Variants in CAPN3 observed in about 807,000 individuals in gnomAD.
The protein encoded by CAPN3 is calpain-3.
In CAPN3, 88 loss-of-function variants were observed where a neutral mutation model predicts 114.0. That is an observed-to-expected ratio of 0.77 (90% CI 0.65 to 0.92). The LOEUF is 0.92. CAPN3 is among the 40% of genes least tolerant of loss of function. The pLI is 0.00. For missense variants in CAPN3, 1,028 were observed against 1,069.0 expected (o/e 0.96, Z 0.53); for synonymous variants, 386 against 382.9 (o/e 1.01, Z -0.09).
intron 1 of CAPN3, among the ~76,000 whole-genome samples, chr15:42,378,146 C>T (rs994183813): frequency 1.3e-5 from 2 of 152,180 alleles, no homozygotes; most frequent in Non-Finnish European, 2.9e-5. Context: ...TCAGCAGCCA[C>T]GGCCCTGACT....
chr15:42,404,943 G>A, intron 14 of CAPN3: 1 of 998,190 alleles, frequency 1.0e-6, no homozygotes, highest in Non-Finnish European at 1.2e-6. Flanking sequence ...GCTTATGGGA[G>A]CTGGCACGTC....
In CAPN3 at chr15:42,399,668, G is replaced by A; in HGVS notation, c.1354+16G>A. ...AACTTCCCAGGTGGGAGATGCTCTT[G>A]ATGGGGGGAGGGTCTAAGCCGAAAA... On this transcript the variant is annotated intron_variant, in intron 10 of 23. Coordinates refer to ENST00000397163, the MANE Select transcript of CAPN3 (RefSeq NM_000070.3). The A allele has an allele frequency of 6.3e-7, 1 of 1,585,530 alleles. No homozygotes were observed.
intron 1 of CAPN3, among the ~76,000 whole-genome samples, chr15:42,366,828 C>CTTTTTTTTTTTTTTTTTTTTTTT (rs545010219): frequency 7.8e-6 from 1 of 127,856 alleles, no homozygotes; most frequent in African/African-American, 3.4e-5. Flanking sequence ...TCTTTTTTTT[C>CTTTTTTTTTTTTTTTTTTTTTTT]TTTTTTTTTT....
At chr15:42,392,192 A>G (rs904816772) in intron 6 of CAPN3, among the ~76,000 whole-genome samples, 2 of 152,100 alleles carry the variant, frequency 1.3e-5, no homozygotes, top group Non-Finnish European at 2.9e-5. Flanking sequence ...GAAAAAAAGA[A>G]AAAGCTAGAC....
chr15:42,406,353 A>G (rs3115881), intron 15 of CAPN3, among the ~76,000 whole-genome samples: 68,870 of 151,770 alleles, frequency 0.45, 17,137 homozygotes, highest in Middle Eastern at 0.59. Flanking sequence ...GCCATCATAC[A>G]CCATCAGATT....
rs890062930 is a variant in CAPN3, at chr15:42,394,337, G to T, written c.1111G>T (p.Asp371Tyr). Residue 371 changes from aspartate to tyrosine, a missense_variant, in exon 8 of 24, where the codon GAT becomes TAT. Transcript: ENST00000397163. ...GQVEWNGSWS[D>Y]RWKDWSFVDK... The stretch of plus-strand genomic sequence containing the variant: ...GGTGGAGTGGAACGGTTCTTGGAGT[G>T]ATAGGTAGGTGAGGGGACCCCACGG... 4 of 1,558,358 alleles carry T rather than the reference G, an allele frequency of 2.6e-6. No homozygotes were observed. The African/African-American group carries it at 5.4e-5, about 21-fold the overall frequency.
intron 3 of CAPN3, among the ~76,000 whole-genome samples, chr15:42,387,406 C>T (rs1049956062): frequency 2.0e-5 from 3 of 152,196 alleles, no homozygotes; most frequent in Non-Finnish European, 4.4e-5. Context: ...CTGGGGGCAC[C>T]TGAGAGTGCT....
Position 42,390,108 on chromosome 15 carries a change from T to C in CAPN3, c.945+12T>C. ...AAAGACCGACCCGGGTGTGTACACCTCCGATTATCAGAACTGACCATCCCT... is the reference window on the plus strand; with the variant it reads ...AAAGACCGACCCGGGTGTGTACACCCCCGATTATCAGAACTGACCATCCCT... On this transcript the variant is annotated intron_variant, in intron 6 of 23. Coordinates refer to ENST00000397163, the MANE Select transcript of CAPN3 (RefSeq NM_000070.3). The C allele has an allele frequency of 6.2e-7, 1 of 1,613,972 alleles. No homozygotes were observed. The highest frequency in any genetic ancestry group is 8.5e-7 in the Non-Finnish European group (1 of 1,179,960).
intron 14 of CAPN3, chr15:42,404,123 CAT>C (rs1252067270): frequency 8.3e-6 from 4 of 481,094 alleles, no homozygotes; most frequent in Non-Finnish European, 1.6e-5. Context: ...GGATTTCACA[CAT>C]AGAGAAAAGA....
intron 8 of CAPN3, among the ~76,000 whole-genome samples, chr15:42,395,635 A>T (rs2053668564): frequency 6.6e-6 from 1 of 152,128 alleles, no homozygotes; most frequent in South Asian, 2.1e-4. Flanking sequence ...ACCTGCAGGG[A>T]CGCTTGCTGT....
chr15:42,411,602 G>T, intron 23 of CAPN3, 145 bp from the exon 24 acceptor site: 1 of 741,594 alleles, frequency 1.3e-6, no homozygotes, highest in South Asian at 1.4e-5. Context: ...AAAGGAAACA[G>T]TAAGCCACTG....
intron 9 of CAPN3, among the ~76,000 whole-genome samples, chr15:42,397,500 C>A (rs942808181): frequency 6.6e-6 from 1 of 151,998 alleles, no homozygotes; most frequent in African/African-American, 2.4e-5. Context: ...AAAAAGTAGC[C>A]GGGCGTGGCA....
In CAPN3 at chr15:42,372,571, CA is replaced by C. The variant is rs896048773; in HGVS notation, c.310-11911del. On this transcript the variant is annotated intron_variant, in intron 1 of 23. Coordinates refer to ENST00000397163, the MANE Select transcript of CAPN3 (RefSeq NM_000070.3). ...TGAGTCAAGGTCTCATTCTTTCACCCAGGCGGTGGCTCACACGTGTAATCCC... is the reference window on the plus strand; with the variant it reads ...TGAGTCAAGGTCTCATTCTTTCACCCGGCGGTGGCTCACACGTGTAATCCC... Among the ~76,000 whole-genome samples the C allele has an allele frequency of 1.0e-3, 156 of 152,240 alleles. 1 individual carries two copies. The highest frequency in any genetic ancestry group is 3.5e-3 in the African/African-American group (147 of 41,544).
chr15:42,364,847 T>G (rs377210041), intron 1 of CAPN3, among the ~76,000 whole-genome samples: 1 of 152,180 alleles, frequency 6.6e-6, no homozygotes, highest in Admixed American at 6.5e-5. Context: ...TTCTTAAGCT[T>G]CTTCTCTCTC....
In CAPN3 at chr15:42,412,202, C is replaced by T. The variant is rs2054281829; in HGVS notation, c.*429C>T. ...ACCAAACCAGCACTGGGTTCTACTGCTGTGGGGTAAACTAACTCAGTGGAA... is the reference window on the plus strand; with the variant it reads ...ACCAAACCAGCACTGGGTTCTACTGTTGTGGGGTAAACTAACTCAGTGGAA... On this transcript the variant is annotated 3_prime_UTR_variant, in exon 24 of 24. Coordinates refer to ENST00000397163, the MANE Select transcript of CAPN3 (RefSeq NM_000070.3). 2 of 1,535,548 alleles carry T rather than the reference C, an allele frequency of 1.3e-6. No individual in the cohort carries two copies. The highest frequency in any genetic ancestry group is 1.7e-6 in the Non-Finnish European group (2 of 1,146,386).
chr15:42,385,887 A>G, intron 2 of CAPN3: 1 of 652,082 alleles, frequency 1.5e-6, no homozygotes, highest in Non-Finnish European at 2.9e-6. Context: ...AGGCCTAAAA[A>G]GGAAGTGAGT....
At chr15:42,388,905 T>A (rs1273781411) in intron 4 of CAPN3, 23 bp from the exon 5 acceptor site, 1 of 1,612,682 alleles carries the variant, frequency 6.2e-7, no homozygotes, top group East Asian at 2.2e-5. Flanking sequence ...TGACCCCAAA[T>A]TGGTCTTCAT....
chr15:42,389,529 G>C (rs1360450894), intron 5 of CAPN3, among the ~76,000 whole-genome samples: 1 of 152,226 alleles, frequency 6.6e-6, no homozygotes, highest in East Asian at 1.9e-4. Context: ...GAGAAGCTAA[G>C]CCTGCAGCAC....
At chr15:42,405,859 G>A in intron 14 of CAPN3, 67 bp from the exon 15 acceptor site, 4 of 1,328,136 alleles carry the variant, frequency 3.0e-6, no homozygotes, top group Non-Finnish European at 3.3e-6. Flanking sequence ...GAAGCCAAAA[G>A]CCACTGGCGG....
Sources: gnomAD v4.1 joint callset for allele counts (sites outside exome capture counted in the v4.1 genomes callset) on GRCh38, gnomAD v4.1.1 for gene constraint, MANE v1.5 for transcripts, NCBI Gene and HGNC (gene_info 2026-07-23, HGNC 2026-07-21) for gene names.